Variants in MECR observed in about 807,000 individuals in gnomAD.
MECR encodes mitochondrial trans-2-enoyl-CoA reductase, also known as enoyl-[acyl-carrier-protein] reductase, mitochondrial.
MECR carries 37 observed loss-of-function variants against 49.1 expected under a neutral mutation model. That is an observed-to-expected ratio of 0.75 (90% confidence interval 0.58 to 0.99). MECR has a LOEUF of 0.99. MECR is among the 50% of genes least tolerant of loss of function. The probability of loss-of-function intolerance (pLI) is 0.00; values close to 1 mark genes in which losing one functional copy is unlikely to be tolerated. For synonymous variants in MECR, 198 were observed against 191.1 expected (o/e 1.04, Z -0.30); for missense variants, 470 against 479.6 (o/e 0.98, Z 0.19).
chr1:29,215,601 T>C (rs972057181), intron 3 of MECR, among the ~76,000 whole-genome samples: 27 of 150,220 alleles, frequency 1.8e-4, no homozygotes, highest in African/African-American at 6.4e-4. Context: ...CCAAGCGTGG[T>C]GGCTCAGGCC....
downstream of MECR, among the ~76,000 whole-genome samples, chr1:29,192,111 C>T (rs960669251): frequency 1.3e-5 from 2 of 152,044 alleles, no homozygotes; most frequent in African/African-American, 4.8e-5. Context: ...ACAAACATTC[C>T]GAGCCAGTTT....
At chr1:29,178,617 A>G in the MECR span, among the ~76,000 whole-genome samples, 75 of 151,902 alleles carry the variant, frequency 4.9e-4, no homozygotes, top group African/African-American at 1.7e-3. Context: ...CGGCCTCCCA[A>G]AGTGCTGGGA....
At chr1:29,168,768 C>T in the MECR span, 1 of 152,148 alleles carries the variant, frequency 6.6e-6, no homozygotes, top group African/African-American at 2.4e-5. Context: ...AAGATGAAGA[C>T]TTGGATCTAG....
the MECR span, chr1:29,172,605 G>A: frequency 2.6e-5 from 4 of 151,960 alleles, no homozygotes; most frequent in Non-Finnish European, 5.9e-5. Flanking sequence ...AAACACAACA[G>A]GGGTACTCCA....
intron 7 of MECR, among the ~76,000 whole-genome samples, chr1:29,197,355 G>GA (rs1336277453): frequency 1.3e-5 from 2 of 152,166 alleles, no homozygotes; most frequent in Non-Finnish European, 2.9e-5. Flanking sequence ...TACAGATAAG[G>GA]AATGATGTGG....
intron 3 of MECR, among the ~76,000 whole-genome samples, chr1:29,214,186 C>T (rs981968707): frequency 2.6e-5 from 4 of 151,494 alleles, no homozygotes; most frequent in African/African-American, 9.7e-5. Flanking sequence ...CTCAACTTCC[C>T]GAGTAGCTGG....
At chr1:29,194,488 C>T (rs1432167552) in intron 9 of MECR, among the ~76,000 whole-genome samples, 6 of 152,164 alleles carry the variant, frequency 3.9e-5, no homozygotes, top group Non-Finnish European at 8.8e-5. Flanking sequence ...ACAGTGGAGA[C>T]AGGAGCACTG....
the MECR span, among the ~76,000 whole-genome samples, chr1:29,178,047 C>T: frequency 1.8e-4 from 27 of 151,748 alleles, no homozygotes; most frequent in South Asian, 5.4e-3. Flanking sequence ...TTACAGGTGC[C>T]CACCACCACA....
the MECR span, chr1:29,181,824 G>C: frequency 2.4e-6 from 3 of 1,267,080 alleles, no homozygotes; most frequent in Non-Finnish European, 3.1e-6. Flanking sequence ...GCGAGAGCAC[G>C]GCGGCAGCGG....
At chr1:29,213,462 G>A (rs898761149) in intron 3 of MECR, among the ~76,000 whole-genome samples, 10 of 152,108 alleles carry the variant, frequency 6.6e-5, no homozygotes, top group African/African-American at 2.4e-4. Context: ...TAATCTCTGG[G>A]GCTGTCAACC....
intron 4 of MECR, among the ~76,000 whole-genome samples, chr1:29,206,384 C>T (rs527794154): frequency 1.6e-4 from 24 of 152,288 alleles, no homozygotes; most frequent in South Asian, 1.2e-3. Flanking sequence ...GCTATGTAAA[C>T]GCTGAGTGGA....
the MECR span, among the ~76,000 whole-genome samples, chr1:29,175,914 C>T: frequency 6.6e-6 from 1 of 151,962 alleles, no homozygotes. Flanking sequence ...TTGTACATGC[C>T]AGTGCAAATG....
intron 2 of MECR, 31 bp downstream of exon 2, chr1:29,216,557 A>G (rs1217281738): frequency 3.1e-6 from 5 of 1,606,710 alleles, no homozygotes; most frequent in Non-Finnish European, 4.3e-6. Context: ...CAAAAAAGCC[A>G]ATTAACATAA....
At chr1:29,202,156 T>C in intron 5 of MECR, 111 bp from the exon 6 acceptor site, 1 of 922,602 alleles carries the variant, frequency 1.1e-6, no homozygotes, top group South Asian at 1.4e-5. Flanking sequence ...TGCAGGAAGC[T>C]GGGATTAGGT....
At chr1:29,181,859 G>A in the MECR span, 4 of 929,196 alleles carry the variant, frequency 4.3e-6, no homozygotes, top group Middle Eastern at 3.3e-4. Flanking sequence ...GGCGGGCGGC[G>A]GGACGGACGC....
downstream of MECR, among the ~76,000 whole-genome samples, chr1:29,189,351 G>A (rs554512615): frequency 2.6e-5 from 4 of 151,970 alleles, no homozygotes; most frequent in South Asian, 6.2e-4. Context: ...TTACAGGTGT[G>A]AGCCACCACA....
Position 29,196,239 on chromosome 1 carries a change from T to C in MECR, c.850A>G (p.Thr284Ala), listed in dbSNP as rs775101165. 1.9e-6 allele frequency: 3 copies of C among 1,612,764 alleles called. No individual in the cohort carries two copies. The highest frequency in any genetic ancestry group is 1.1e-5 in the South Asian group (1 of 90,998). ...GGCTGCTTGGCCATCCCCCCATAGG[T>C]TACCATGGTTCCTCCACGCCTGAAA... ...RQLARGGTMV[T>A]YGGMAKQPVV... Residue 284 changes from threonine (T) to alanine (A), a missense_variant, in exon 8 of 10, where the codon ACC (threonine) becomes GCC (alanine). Transcript: ENST00000263702.
chr1:29,206,039 A>C (rs1676501289), intron 4 of MECR, among the ~76,000 whole-genome samples: 1 of 152,178 alleles, frequency 6.6e-6, no homozygotes, highest in African/African-American at 2.4e-5. Context: ...CAAATAGTTT[A>C]CCTTTCTGGA....
chr1:29,169,515 A>C, the MECR span: 1 of 152,256 alleles, frequency 6.6e-6, no homozygotes, highest in Non-Finnish European at 1.5e-5. Flanking sequence ...AGTTGTGAAC[A>C]TTTATTCTCT....
Sources: gnomAD v4.1 joint callset for allele counts (sites outside exome capture counted in the v4.1 genomes callset) on GRCh38, gnomAD v4.1.1 for gene constraint, MANE v1.5 for transcripts, NCBI Gene and HGNC (gene_info 2026-07-23, HGNC 2026-07-21) for gene names.